The following KRABD4 variants were observed in gnomAD, a reference collection of about 807,000 sequenced individuals.
KRABD4 encodes KRAB domain containing 4.
At chrX:46,463,547 G>A in the KRABD4 span, 1 of 442,580 alleles carries the variant, frequency 2.3e-6, no homozygotes, top group South Asian at 3.2e-5. Context: ...CTACCTTCCA[G>A]CCTCCTGGCT....
At chrX:46,471,843 C>A in the KRABD4 span, among the ~76,000 whole-genome samples, 1 of 112,256 alleles carries the variant, frequency 8.9e-6, no homozygotes, top group East Asian at 2.8e-4. Context: ...CATTGTGGAT[C>A]ACTTTGTTTA....
the KRABD4 span, among the ~76,000 whole-genome samples, chrX:46,460,368 G>C: frequency 1.9e-4 from 20 of 105,612 alleles, no homozygotes; most frequent in African/African-American, 6.9e-4. Flanking sequence ...AATGAGCCAA[G>C]ACCACATCAT....
chrX:46,470,633 ATTAT>A, the KRABD4 span, among the ~76,000 whole-genome samples: 5 of 109,619 alleles, frequency 4.6e-5, no homozygotes, highest in Admixed American at 9.9e-5. Flanking sequence ...TTCTGCTCTT[ATTAT>A]TTCTTTTCTT....
At chrX:46,449,502 AAAG>A in the KRABD4 span, among the ~76,000 whole-genome samples, 1 of 112,558 alleles carries the variant, frequency 8.9e-6, no homozygotes, top group African/African-American at 3.2e-5. Flanking sequence ...AATGCAAATA[AAAG>A]AAGAAAATTG....
At chrX:46,452,725 A>G in the KRABD4 span, among the ~76,000 whole-genome samples, 1 of 112,327 alleles carries the variant, frequency 8.9e-6, no homozygotes, top group Admixed American at 9.4e-5. Flanking sequence ...CTTTCTAAAT[A>G]TGAAGTTTCT....
At chrX:46,472,852 G>C in the KRABD4 span, 1 of 1,211,764 alleles carries the variant, frequency 8.3e-7, no homozygotes, top group Admixed American at 2.2e-5. Flanking sequence ...AAGGATGAAA[G>C]CGGTCAAGAA....
chrX:46,460,630 T>C, the KRABD4 span, among the ~76,000 whole-genome samples: 1 of 92,627 alleles, frequency 1.1e-5, no homozygotes, highest in Non-Finnish European at 2.0e-5. Context: ...GTCGTTATTG[T>C]TGTTTTTGAG....
chrX:46,470,182 C>T, the KRABD4 span, among the ~76,000 whole-genome samples: 3 of 111,231 alleles, frequency 2.7e-5, no homozygotes, highest in African/African-American at 9.8e-5. Context: ...GGAAATAATA[C>T]AGACAAATCT....
At chrX:46,470,628 CTCT>C in the KRABD4 span, among the ~76,000 whole-genome samples, 1 of 109,783 alleles carries the variant, frequency 9.1e-6, no homozygotes, top group African/African-American at 3.3e-5. Flanking sequence ...TTGATTTCTG[CTCT>C]TATTATTTCT....
chrX:46,462,988 A>C, the KRABD4 span: 14 of 1,119,710 alleles, frequency 1.3e-5, no homozygotes, highest in East Asian at 4.3e-4. Flanking sequence ...ACCCTCAGTG[A>C]GTTTGGGTTA....
At chrX:46,451,092 C>G in the KRABD4 span, among the ~76,000 whole-genome samples, 1 of 112,009 alleles carries the variant, frequency 8.9e-6, no homozygotes, top group Non-Finnish European at 1.9e-5. Context: ...GCTCTTTCCT[C>G]TTTCTTCACT....
chrX:46,465,735 A>G, the KRABD4 span, among the ~76,000 whole-genome samples: 1 of 111,700 alleles, frequency 9.0e-6, no homozygotes, highest in East Asian at 2.8e-4. Context: ...AGGCCTGGTT[A>G]TGTGCATTTT....
chrX:46,464,004 A>G, the KRABD4 span, among the ~76,000 whole-genome samples: 25 of 107,215 alleles, frequency 2.3e-4, no homozygotes, highest in Admixed American at 2.5e-3. Context: ...CCATTTTTCA[A>G]TACGTCCTTC....
chrX:46,455,740 GA>G, the KRABD4 span: 2 of 381,252 alleles, frequency 5.2e-6, no homozygotes, highest in Non-Finnish European at 9.6e-6. Flanking sequence ...GACTTCTGTT[GA>G]GTTTTGGATA....
the KRABD4 span, chrX:46,472,345 G>A: frequency 7.7e-6 from 1 of 129,430 alleles, no homozygotes; most frequent in Admixed American, 8.1e-5. Flanking sequence ...CCAGCTTTAA[G>A]CAGGTAGCTC....
chrX:46,450,125 T>C, the KRABD4 span, among the ~76,000 whole-genome samples: 3 of 111,971 alleles, frequency 2.7e-5, no homozygotes, highest in Admixed American at 9.5e-5. Context: ...TTTCCACATT[T>C]AGGAATGTTT....
the KRABD4 span, chrX:46,457,248 C>T: frequency 5.2e-6 from 1 of 193,425 alleles, no homozygotes; most frequent in Non-Finnish European, 9.7e-6. Flanking sequence ...TCAGAAGAAA[C>T]ATTTTTAATG....
the KRABD4 span, chrX:46,473,442 G>T: frequency 9.0e-7 from 1 of 1,114,090 alleles, no homozygotes; most frequent in Admixed American, 2.7e-5. Flanking sequence ...CTGTGAGAAA[G>T]CCTTCAGTAG....
At chrX:46,462,159 G>T in the KRABD4 span, among the ~76,000 whole-genome samples, 80 of 111,990 alleles carry the variant, frequency 7.1e-4, no homozygotes, top group African/African-American at 2.5e-3. Context: ...TAGTCATATA[G>T]ATACTCTATG....
Sources: gnomAD v4.1 joint callset for allele counts (sites outside exome capture counted in the v4.1 genomes callset) on GRCh38, gnomAD v4.1.1 for gene constraint, MANE v1.5 for transcripts, NCBI Gene and HGNC (gene_info 2026-07-23, HGNC 2026-07-21) for gene names.